The following PRIM2 variants were observed in gnomAD, a reference collection of about 807,000 sequenced individuals.
The protein encoded by PRIM2 is DNA primase subunit 2.
Under a neutral mutation model 67.3 loss-of-function variants are expected in PRIM2, and 39 were observed. The ratio of observed to expected loss-of-function variants is 0.58; its 90% CI spans 0.45 to 0.76. The LOEUF (loss-of-function observed/expected upper bound fraction) is 0.76. Among genes scored for constraint, PRIM2 ranks in the 30% least tolerant of loss-of-function variants. The probability of loss-of-function intolerance (pLI) is 0.00; values close to 1 mark genes in which losing one functional copy is unlikely to be tolerated. For missense variants in PRIM2, 398 were observed against 598.7 expected (o/e 0.66, Z 3.50); for synonymous variants, 143 against 198.7 (o/e 0.72, Z 2.36).
At chr6:57,284,135 A>G in the PRIM2 span, among the ~76,000 whole-genome samples, 1 of 152,136 alleles carries the variant, frequency 6.6e-6, no homozygotes, top group Non-Finnish European at 1.5e-5. Flanking sequence ...CATAGAGCAA[A>G]CTTTTTTCTG....
chr6:57,303,106 C>A, the PRIM2 span, among the ~76,000 whole-genome samples: 1 of 152,062 alleles, frequency 6.6e-6, no homozygotes, highest in South Asian at 2.1e-4. Flanking sequence ...CACGTAAAAG[C>A]TAAGTTTGTA....
chr6:57,336,831 A>C (rs1021953801), intron 5 of PRIM2, among the ~76,000 whole-genome samples: 9 of 152,212 alleles, frequency 5.9e-5, no homozygotes, highest in Non-Finnish European at 1.5e-5. Flanking sequence ...CTAACATCAC[A>C]ATGACAGGAT....
At position 57,379,930 on chromosome 6, in the gene PRIM2, A is replaced by G; in HGVS notation, c.489A>G (p.Glu163=). 1.9e-6 allele frequency: 3 copies of G among 1,555,624 alleles called. No homozygotes were observed. In the South Asian group the frequency reaches 3.6e-5, roughly 18 times the overall value. The change falls in exon 6 of 14, where the codon GAA becomes GAG. Residue 163 remains glutamate (E), a synonymous_variant. Coordinates refer to ENST00000615550, the MANE Select transcript of PRIM2 (RefSeq NM_000947.5). Reference sequence around the variant, plus strand: ...GTGATGAAGAGAAGACTCTTCGAGAACAGGAGATTGTTGCCTCATCACCAA... The same window carrying G: ...GTGATGAAGAGAAGACTCTTCGAGAGCAGGAGATTGTTGCCTCATCACCAA... ...AISDEEKTLR[E]QEIVASSPSL... is the part of the protein sequence containing the mutation.
At chr6:57,417,302 G>A (rs1453698790) in intron 7 of PRIM2, among the ~76,000 whole-genome samples, 5 of 152,096 alleles carry the variant, frequency 3.3e-5, no homozygotes, top group African/African-American at 9.7e-5. Context: ...AACTGGATTA[G>A]CACTTTGAAT....
At chr6:57,530,634 T>C (rs1774867732) in intron 8 of PRIM2, among the ~76,000 whole-genome samples, 1 of 152,168 alleles carries the variant, frequency 6.6e-6, no homozygotes, top group East Asian at 1.9e-4. Flanking sequence ...AGTCTACTCA[T>C]CCTGCTCTCA....
intron 13 of PRIM2, among the ~76,000 whole-genome samples, chr6:57,632,509 G>C (rs1173488550): frequency 9.2e-5 from 14 of 152,152 alleles, no homozygotes; most frequent in Admixed American, 9.2e-4. Context: ...TAAAGAGCCA[G>C]AGTGTAAAAA....
At chr6:57,371,205 G>A (rs2127324080) in intron 5 of PRIM2, among the ~76,000 whole-genome samples, 1 of 148,736 alleles carries the variant, frequency 6.7e-6, no homozygotes, top group African/African-American at 2.5e-5. Flanking sequence ...GTCTGTTGTA[G>A]CTAAAGTATT....
chr6:57,359,077 A>T (rs936610365), intron 5 of PRIM2, among the ~76,000 whole-genome samples: 1 of 152,274 alleles, frequency 6.6e-6, no homozygotes, highest in Non-Finnish European at 1.5e-5. Context: ...GAAACTCATT[A>T]CCCTTTAAAT....
At chr6:57,468,565 A>C (rs1281371068) in intron 7 of PRIM2, among the ~76,000 whole-genome samples, 3 of 152,112 alleles carry the variant, frequency 2.0e-5, no homozygotes, top group Admixed American at 6.5e-5. Flanking sequence ...ATCGATGTTC[A>C]TCAGGGATAT....
intron 7 of PRIM2, among the ~76,000 whole-genome samples, chr6:57,473,713 T>C (rs1418672505): frequency 6.6e-5 from 10 of 152,184 alleles, no homozygotes; most frequent in African/African-American, 1.9e-4. Context: ...GCTTCTGTGA[T>C]AGTTTCATTC....
upstream of PRIM2, among the ~76,000 whole-genome samples, chr6:57,316,727 T>TA (rs1304762173): frequency 1.3e-5 from 2 of 152,208 alleles, no homozygotes; most frequent in African/African-American, 2.4e-5. Context: ...TCGAAAATCT[T>TA]ACAGACAGCG....
Position 57,591,369 on chromosome 6 carries a change from T to G in PRIM2, c.1021-9724T>G, listed in dbSNP as rs1384834576. On this transcript the variant is annotated intron_variant, in intron 10 of 13. Transcript: ENST00000615550. The stretch of plus-strand genomic sequence containing the variant: ...GCCATAAGGTGGTTTCCTGACCTTT[T>G]CCTCCTGGCAGATTCACTTATATGT... 2.6e-3 allele frequency among the ~76,000 whole-genome samples: 394 copies of G among 152,300 alleles called. 1 individual carries two copies. Among genetic ancestry groups the G allele is most frequent in the African/African-American group, 9.2e-3 (381 of 41,562 alleles).
chr6:57,240,504 G>A, the PRIM2 span, among the ~76,000 whole-genome samples: 2 of 152,050 alleles, frequency 1.3e-5, no homozygotes, highest in African/African-American at 4.8e-5. Context: ...GAAGCTACGG[G>A]GGAAGATAAA....
At chr6:57,581,556 A>T (rs1397324205) in intron 10 of PRIM2, among the ~76,000 whole-genome samples, 1 of 152,202 alleles carries the variant, frequency 6.6e-6, no homozygotes, top group African/African-American at 2.4e-5. Flanking sequence ...TTTATCATTA[A>T]TATATCGTTA....
At chr6:57,584,149 G>T (rs1237626687) in intron 10 of PRIM2, among the ~76,000 whole-genome samples, 3 of 152,152 alleles carry the variant, frequency 2.0e-5, no homozygotes, top group African/African-American at 7.2e-5. Context: ...ATATCTGACT[G>T]AATATAATAG....
At chr6:57,604,269 C>T (rs1776522509) in intron 11 of PRIM2, among the ~76,000 whole-genome samples, 1 of 152,044 alleles carries the variant, frequency 6.6e-6, no homozygotes, top group Non-Finnish European at 1.5e-5. Context: ...CAGAGTGAGA[C>T]TCTGTCTCAA....
At chr6:57,598,739 C>T (rs1582012565) in intron 10 of PRIM2, among the ~76,000 whole-genome samples, 1 of 151,094 alleles carries the variant, frequency 6.6e-6, no homozygotes, top group African/African-American at 2.4e-5. Flanking sequence ...CACCTGTAGT[C>T]CTAGTCACCC....
chr6:57,330,383 G>GTTTTTTTTTTTTTTTTTTTTTTT (rs60270076), intron 5 of PRIM2, among the ~76,000 whole-genome samples: 1 of 99,558 alleles, frequency 1.0e-5, no homozygotes, highest in Non-Finnish European at 1.9e-5. Flanking sequence ...TTGTTTTTTT[G>GTTTTTTTTTTTTTTTTTTTTTTT]TTTTTTTTTT....
chr6:57,584,443 C>G (rs1259376985), intron 10 of PRIM2, among the ~76,000 whole-genome samples: 1 of 152,140 alleles, frequency 6.6e-6, no homozygotes, highest in Admixed American at 6.6e-5. Context: ...AATACTTATT[C>G]TGTGGATTTT....
Sources: gnomAD v4.1 joint callset for allele counts (sites outside exome capture counted in the v4.1 genomes callset) on GRCh38, gnomAD v4.1.1 for gene constraint, MANE v1.5 for transcripts, NCBI Gene and HGNC (gene_info 2026-07-23, HGNC 2026-07-21) for gene names.